CSMD1: variants seen among roughly 807,000 people sequenced by gnomAD.
The protein encoded by CSMD1 is CUB and Sushi multiple domains 1.
A neutral mutation model predicts 417.5 loss-of-function variants in CSMD1; 213 were observed. That is an observed-to-expected ratio of 0.51 (90% CI 0.46 to 0.57). The LOEUF (loss-of-function observed/expected upper bound fraction) is 0.57. CSMD1 is among the 20% of genes least tolerant of loss of function. The pLI, the probability that CSMD1 is intolerant of heterozygous loss-of-function variation, is 0.00. For synonymous variants in CSMD1, 2,862 were observed against 1,736.8 expected (o/e 1.65, Z -16.11); for missense variants, 6,923 against 4,529.7 (o/e 1.53, Z -15.17).
chr8:4,319,785 G>C (rs57165765), intron 3 of CSMD1, among the ~76,000 whole-genome samples: 6,250 of 152,166 alleles, frequency 0.041, 225 homozygotes, highest in African/African-American at 0.093. Context: ...ATACCAGAGA[G>C]AGAAGAGAGC....
chr8:4,678,254 T>C (rs1471293211), intron 1 of CSMD1, among the ~76,000 whole-genome samples: 1 of 151,344 alleles, frequency 6.6e-6, no homozygotes, highest in Admixed American at 6.6e-5. Flanking sequence ...CTAATGAAAA[T>C]ACAAAAATTA....
intron 1 of CSMD1, among the ~76,000 whole-genome samples, chr8:4,710,378 G>C (rs1032135572): frequency 6.8e-6 from 1 of 146,732 alleles, no homozygotes; most frequent in Non-Finnish European, 1.5e-5. Context: ...AACATATGAA[G>C]TAAATAAAAA....
intron 12 of CSMD1, among the ~76,000 whole-genome samples, chr8:3,419,087 G>A (rs956605536): frequency 9.9e-5 from 15 of 152,148 alleles, no homozygotes; most frequent in South Asian, 2.1e-4. Flanking sequence ...AGGCTGAAAC[G>A]CCAGCTAGGA....
chr8:4,938,765 G>A (rs569759603), intron 1 of CSMD1, among the ~76,000 whole-genome samples: 1 of 152,314 alleles, frequency 6.6e-6, no homozygotes, highest in African/African-American at 2.4e-5. Flanking sequence ...TGTGTGGCCT[G>A]TGGGTCAAGA....
intron 5 of CSMD1, among the ~76,000 whole-genome samples, chr8:3,915,064 A>G (rs980314629): frequency 3.3e-5 from 5 of 152,148 alleles, no homozygotes; most frequent in Admixed American, 6.5e-5. Context: ...GGGAATAGTT[A>G]TTGAATTAAT....
chr8:3,181,051 C>G (rs941971807), intron 37 of CSMD1, 59 bp downstream of exon 37: 8 of 1,027,300 alleles, frequency 7.8e-6, no homozygotes, highest in Non-Finnish European at 1.2e-5. Context: ...TTTATTTTTT[C>G]TTTAAAAAAA....
At chr8:4,831,146 T>A (rs541385942) in intron 1 of CSMD1, among the ~76,000 whole-genome samples, 140 of 152,296 alleles carry the variant, frequency 9.2e-4, no homozygotes, top group Non-Finnish European at 1.2e-3. Context: ...CGTTAAATCA[T>A]CCGTTATTCA....
chr8:4,243,340 T>C (rs1396830202), intron 3 of CSMD1, among the ~76,000 whole-genome samples: 1 of 152,126 alleles, frequency 6.6e-6, no homozygotes, highest in Non-Finnish European at 1.5e-5. Flanking sequence ...ACTAAAGCTT[T>C]GAAAACCTAT....
intron 7 of CSMD1, among the ~76,000 whole-genome samples, chr8:3,676,422 C>A (rs998725886): frequency 7.2e-5 from 11 of 152,202 alleles, no homozygotes; most frequent in Non-Finnish European, 1.2e-4. Context: ...ACGCCACAGG[C>A]ACCCGATAAA....
At chr8:4,242,145 T>A (rs1404467930) in intron 3 of CSMD1, among the ~76,000 whole-genome samples, 1 of 152,210 alleles carries the variant, frequency 6.6e-6, no homozygotes, top group African/African-American at 2.4e-5. Flanking sequence ...TCTTAGCATA[T>A]ATCCACCAAA....
intron 1 of CSMD1, among the ~76,000 whole-genome samples, chr8:4,744,251 A>G (rs1010267946): frequency 6.6e-6 from 1 of 152,230 alleles, no homozygotes; most frequent in Non-Finnish European, 1.5e-5. Flanking sequence ...CTTGGAAAGT[A>G]CAGCTCAGGG....
At chr8:4,955,393 G>C (rs1225850578) in intron 1 of CSMD1, among the ~76,000 whole-genome samples, 1 of 151,558 alleles carries the variant, frequency 6.6e-6, no homozygotes, top group African/African-American at 2.4e-5. Context: ...CATGTGTTGA[G>C]ATTATTGATG....
intron 5 of CSMD1, among the ~76,000 whole-genome samples, chr8:3,836,789 T>C (rs1802739375): frequency 1.3e-5 from 2 of 152,274 alleles, no homozygotes; most frequent in Admixed American, 6.5e-5. Flanking sequence ...CTTAGTGTTT[T>C]ATTTATTTCT....
chr8:3,241,299 A>C (rs1158008786), intron 26 of CSMD1, among the ~76,000 whole-genome samples: 2 of 151,086 alleles, frequency 1.3e-5, no homozygotes, highest in African/African-American at 2.4e-5. Context: ...CCTGGCCGTC[A>C]ATACCCACAA....
At chr8:3,390,543 C>A (rs982660776) in intron 17 of CSMD1, among the ~76,000 whole-genome samples, 1 of 151,888 alleles carries the variant, frequency 6.6e-6, no homozygotes, top group South Asian at 2.1e-4. Context: ...AAGAGAAATA[C>A]AGACCACCGG....
At chr8:3,919,640 T>C (rs1247570718) in intron 5 of CSMD1, among the ~76,000 whole-genome samples, 1 of 152,154 alleles carries the variant, frequency 6.6e-6, no homozygotes, top group African/African-American at 2.4e-5. Context: ...TCCATACAAA[T>C]TTTATGACTT....
rs141734480 is a variant in CSMD1 at position 4,087,906 on chromosome 8, G to C, written c.416-55807C>G. 3.2e-3 allele frequency among the ~76,000 whole-genome samples: 488 copies of C among 152,178 alleles called. 5 individuals are homozygous for C. The highest frequency in any genetic ancestry group is 0.011 in the African/African-American group (458 of 41,514). On this transcript the variant is annotated intron_variant, in intron 3 of 69. Transcript: ENST00000635120. ...TAACTCTGCTCATCTTTAGAAAAAA[G>C]GATGCCTGAGGTCAAAATTTCCCCT...
intron 37 of CSMD1, among the ~76,000 whole-genome samples, chr8:3,171,435 C>A (rs966372435): frequency 6.6e-6 from 1 of 152,182 alleles, no homozygotes; most frequent in Non-Finnish European, 1.5e-5. Flanking sequence ...AAAGTCCACT[C>A]CCCTGTGTCT....
At position 3,839,809 on chromosome 8, in the gene CSMD1, G is replaced by C. The variant is rs536654247; in HGVS notation, c.819-85767C>G. On this transcript the variant is annotated intron_variant, in intron 5 of 69. Coordinates refer to ENST00000635120, the MANE Select transcript of CSMD1 (RefSeq NM_033225.6). ...CCCAGAGAAGCTGGTGGCCAAACTAGAGACCAAAGTGCACAGCTAAATGGA... is the reference window on the plus strand; with the variant it reads ...CCCAGAGAAGCTGGTGGCCAAACTACAGACCAAAGTGCACAGCTAAATGGA... Among the ~76,000 whole-genome samples the C allele has an allele frequency of 4.1e-4, 63 of 151,832 alleles. 1 individual carries two copies. The South Asian group carries it at 0.012, about 28-fold the overall frequency.
Sources: gnomAD v4.1 joint callset for allele counts (sites outside exome capture counted in the v4.1 genomes callset) on GRCh38, gnomAD v4.1.1 for gene constraint, MANE v1.5 for transcripts, NCBI Gene and HGNC (gene_info 2026-07-23, HGNC 2026-07-21) for gene names.